Variants in RGS7 observed in about 807,000 individuals in gnomAD.
The protein encoded by RGS7 is regulator of G-protein signaling 7.
Under a neutral mutation model 81.1 loss-of-function variants are expected in RGS7, and 27 were observed. That is an observed-to-expected ratio of 0.33 (90% CI 0.25 to 0.46). The LOEUF (loss-of-function observed/expected upper bound fraction) is 0.46, where lower values mean the gene tolerates loss of function less well. RGS7 is among the 20% of genes least tolerant of loss of function. The pLI, the probability that RGS7 is intolerant of heterozygous loss-of-function variation, is 1.00. For synonymous variants in RGS7, 208 were observed against 207.7 expected (o/e 1.00, Z -0.01); for missense variants, 396 against 607.4 (o/e 0.65, Z 3.66).
intron 2 of RGS7, among the ~76,000 whole-genome samples, chr1:241,327,280 C>T (rs926093482): frequency 2.6e-5 from 4 of 151,980 alleles, no homozygotes; most frequent in African/African-American, 9.7e-5. Flanking sequence ...ACTTCTGAAC[C>T]TCCTGGTGTT....
At chr1:241,235,932 GAA>G (rs60662489) in intron 2 of RGS7, among the ~76,000 whole-genome samples, 1 of 147,388 alleles carries the variant, frequency 6.8e-6, no homozygotes, top group Admixed American at 6.8e-5. Context: ...GAGAGAGAGA[GAA>G]AGACAGACAG....
At chr1:240,799,108 A>G (rs969716085) in intron 18 of RGS7, among the ~76,000 whole-genome samples, 2 of 152,204 alleles carry the variant, frequency 1.3e-5, no homozygotes, top group Non-Finnish European at 2.9e-5. Flanking sequence ...CCAAGGGGAA[A>G]TTCAGAGAAC....
intron 2 of RGS7, among the ~76,000 whole-genome samples, chr1:241,344,238 A>C (rs2082745231): frequency 6.6e-6 from 1 of 152,250 alleles, no homozygotes; most frequent in Non-Finnish European, 1.5e-5. Flanking sequence ...GAACTATGCC[A>C]CAATGAAAAA....
intron 2 of RGS7, among the ~76,000 whole-genome samples, chr1:241,239,170 T>C (rs899422593): frequency 2.6e-5 from 4 of 151,872 alleles, no homozygotes; most frequent in African/African-American, 9.7e-5. Flanking sequence ...GGTTTCATCA[T>C]GTTAGCCAGG....
chr1:241,269,405 C>T (rs2077755487), intron 2 of RGS7, among the ~76,000 whole-genome samples: 1 of 152,234 alleles, frequency 6.6e-6, no homozygotes, highest in Non-Finnish European at 1.5e-5. Context: ...ACGTTCCGTC[C>T]ATCCCAGAGG....
chr1:241,152,518 A>G (rs1159517440), intron 2 of RGS7, among the ~76,000 whole-genome samples: 1 of 152,206 alleles, frequency 6.6e-6, no homozygotes. Flanking sequence ...AGCCCATTGA[A>G]CACTCCAGAA....
chr1:241,053,713 T>C (rs1402626264), intron 3 of RGS7, among the ~76,000 whole-genome samples: 1 of 152,208 alleles, frequency 6.6e-6, no homozygotes, highest in East Asian at 1.9e-4. Context: ...GTAGCTCCCG[T>C]AATTCCCACA....
chr1:241,331,196 T>C (rs2081956892), intron 2 of RGS7, among the ~76,000 whole-genome samples: 1 of 152,092 alleles, frequency 6.6e-6, no homozygotes. Context: ...CACTCACCCA[T>C]TGTGCTGCTG....
chr1:240,860,215 G>C (rs1025694375), intron 9 of RGS7, among the ~76,000 whole-genome samples: 1 of 152,136 alleles, frequency 6.6e-6, no homozygotes, highest in Admixed American at 6.5e-5. Flanking sequence ...AGATCCAGTT[G>C]ATTGACGGTG....
chr1:241,099,917 G>C (rs1452728538), intron 2 of RGS7, among the ~76,000 whole-genome samples: 1 of 152,140 alleles, frequency 6.6e-6, no homozygotes, highest in Non-Finnish European at 1.5e-5. Context: ...TTAATTTCTT[G>C]TTTTGATAAT....
At chr1:241,334,461 C>G (rs1197880034) in intron 2 of RGS7, among the ~76,000 whole-genome samples, 1 of 152,130 alleles carries the variant, frequency 6.6e-6, no homozygotes, top group Non-Finnish European at 1.5e-5. Flanking sequence ...ATACTCCCCC[C>G]AGCCTCAAAT....
chr1:241,218,156 C>T (rs1173339873), intron 2 of RGS7, among the ~76,000 whole-genome samples: 4 of 152,184 alleles, frequency 2.6e-5, no homozygotes, highest in Non-Finnish European at 5.9e-5. Flanking sequence ...GTGTTTCCTG[C>T]AAAAGAGCCC....
At chr1:240,981,772 C>T (rs376707540) in intron 4 of RGS7, among the ~76,000 whole-genome samples, 1 of 152,226 alleles carries the variant, frequency 6.6e-6, no homozygotes, top group East Asian at 1.9e-4. Flanking sequence ...TGTACACAGG[C>T]CTTTATGGAC....
chr1:240,926,333 C>T (rs116464456), intron 6 of RGS7, among the ~76,000 whole-genome samples: 3,162 of 152,164 alleles, frequency 0.021, 46 homozygotes, highest in African/African-American at 0.042. Context: ...TACAAGGTAG[C>T]GGTCCAGCTT....
At chr1:241,040,881 T>G (rs1223933845) in intron 3 of RGS7, among the ~76,000 whole-genome samples, 1 of 152,184 alleles carries the variant, frequency 6.6e-6, no homozygotes, top group Non-Finnish European at 1.5e-5. Flanking sequence ...TTCCCTGTTC[T>G]ATCTAACCAA....
intron 2 of RGS7, among the ~76,000 whole-genome samples, chr1:241,188,827 A>C (rs1450137655): frequency 2.6e-5 from 4 of 152,156 alleles, no homozygotes; most frequent in Non-Finnish European, 5.9e-5. Flanking sequence ...TCCTATTACC[A>C]CCTCAAATAA....
intron 3 of RGS7, among the ~76,000 whole-genome samples, chr1:241,028,680 C>T (rs1428317169): frequency 1.3e-5 from 2 of 152,138 alleles, no homozygotes; most frequent in Non-Finnish European, 2.9e-5. Flanking sequence ...CCCAGGGAGG[C>T]GCAGGGACTG....
At chr1:241,121,872 T>G (rs1319389715) in intron 2 of RGS7, among the ~76,000 whole-genome samples, 1 of 151,938 alleles carries the variant, frequency 6.6e-6, no homozygotes. Context: ...CACACCTGGC[T>G]AACTTTTAAA....
chr1:240,952,659 AATAC>A (rs2148441864), intron 4 of RGS7, among the ~76,000 whole-genome samples: 1 of 152,122 alleles, frequency 6.6e-6, no homozygotes, highest in Admixed American at 6.5e-5. Flanking sequence ...CAATGAACAA[AATAC>A]ATACAAATAT....
Sources: allele counts gnomAD v4.1 joint callset (sites outside exome capture counted in the v4.1 genomes callset), GRCh38; gene constraint gnomAD v4.1.1; transcripts MANE v1.5; gene names NCBI Gene and HGNC (gene_info 2026-07-23, HGNC 2026-07-21).